TINAG: variants seen among roughly 807,000 people sequenced by gnomAD.
TINAG encodes tubulointerstitial nephritis antigen.
In TINAG, 83 loss-of-function variants were observed where a neutral mutation model predicts 72.7. The ratio of observed to expected loss-of-function variants is 1.14; its 90% CI spans 0.96 to 1.37. The LOEUF is 1.37. TINAG is among the 40% of genes most tolerant of loss of function. TINAG has a pLI of 0.00. For synonymous variants in TINAG, 234 were observed against 189.9 expected, an observed-to-expected ratio of 1.23 and a Z score of -1.91; for missense variants, 685 against 576.6, an observed-to-expected ratio of 1.19 and a Z score of -1.93.
intron 6 of TINAG, among the ~76,000 whole-genome samples, 173 bp from the exon 7 acceptor site, chr6:54,349,543 G>A (rs1785209918): frequency 6.6e-6 from 1 of 151,962 alleles, no homozygotes. Flanking sequence ...GGAGGGTAGG[G>A]AAGAGTGTAA....
chr6:54,360,841 G>GTTTTTTTTTTTTTTTTTTTT lies in TINAG; in HGVS notation c.1250+6217_1250+6236dup, dbSNP rs70983415. 1.4e-3 allele frequency among the ~76,000 whole-genome samples: 37 copies of GTTTTTTTTTTTTTTTTTTTT among 26,256 alleles called. 10 individuals carry two copies. Among genetic ancestry groups the GTTTTTTTTTTTTTTTTTTTT allele is most frequent in the South Asian group, 6.9e-3 (3 of 434 alleles). The allele number at this position is 26,256 out of a possible 152,430, so 17.2% of individuals were successfully genotyped here. On this transcript the variant is annotated intron_variant, in intron 9 of 10. Transcript: ENST00000259782. ...GTTTCTTGTGTTTCACAGATACTGT[G>GTTTTTTTTTTTTTTTTTTTT]TTTTTTTTTTTTTTTTTTTTTTTTT...
rs193202598 is a variant in TINAG, at chr6:54,325,505, C to T, written c.510-1297C>T. Among the ~76,000 whole-genome samples, 14 of 152,258 alleles carry T rather than the reference C, an allele frequency of 9.2e-5. No homozygotes were observed. The South Asian group carries it at 1.9e-3, about 20-fold the overall frequency. On this transcript the variant is annotated intron_variant, in intron 3 of 10. Transcript: ENST00000259782. ...TACTTTGTGATCTAGTACACACACA[C>T]GTGCACAAGCATCAACACACACATA...
At chr6:54,371,281 C>T (rs577762348) in intron 9 of TINAG, among the ~76,000 whole-genome samples, 1 of 152,100 alleles carries the variant, frequency 6.6e-6, no homozygotes, top group South Asian at 2.1e-4. Flanking sequence ...GCTGGGTGAT[C>T]TCAGGCAGGT....
chr6:54,308,458 T>C lies in TINAG; in HGVS notation c.-93T>C. On this transcript the variant is annotated 5_prime_UTR_variant, in exon 1 of 11. Transcript: ENST00000259782. ...GTTTCAGGGTTCAGGCTGAAGTGTC[T>C]TAATGACTAGAATTCAGGTTCCAAG... The C allele has an allele frequency of 1.9e-6, 2 of 1,057,004 alleles. No homozygotes were observed. The highest frequency in any genetic ancestry group is 2.7e-6 in the Non-Finnish European group (2 of 732,552). 65.5% of individuals were successfully genotyped at this position (1,057,004 alleles called of 1,614,324 possible).
Position 54,308,674 on chromosome 6 carries a change from T to C in TINAG, c.124T>C (p.Leu42=), listed in dbSNP as rs1305091497. The part of the protein sequence containing the change: ...EAYFTRNHTV[L]QGTRFKRAIF... ...TTATTTCACTAGGAATCACACCGTT[T>C]TGCAAGGTACTCGATTCAAAAGAGC... Residue 42 remains leucine, a synonymous_variant, in exon 1 of 11, where the codon TTG becomes CTG. Transcript: ENST00000259782. The C allele has an allele frequency of 6.2e-7, 1 of 1,613,752 alleles. No homozygotes were observed. Among genetic ancestry groups the C allele is most frequent in the African/African-American group, 1.3e-5 (1 of 74,908 alleles).
chr6:54,324,506 C>T (rs980541890), intron 3 of TINAG, among the ~76,000 whole-genome samples: 27 of 152,210 alleles, frequency 1.8e-4, no homozygotes, highest in African/African-American at 6.3e-4. Context: ...AAGCAAGTTA[C>T]TAGGCCAGCT....
rs189848584 is a variant in TINAG, at chr6:54,313,138, T to C, written c.355+4233T>C. ...TAGAAAATACATGTTTAATAGAAAA[T>C]ACACGTTTAAAATTAGCATCTTAAA... On this transcript the variant is annotated intron_variant, in intron 1 of 10. Transcript: ENST00000259782. Among the ~76,000 whole-genome samples, 30 of 152,270 alleles carry C rather than the reference T, an allele frequency of 2.0e-4. No homozygotes were observed. In the East Asian group the frequency reaches 4.6e-3, roughly 23 times the overall value.
chr6:54,376,851 T>C (rs527418273), intron 9 of TINAG, among the ~76,000 whole-genome samples: 1 of 152,088 alleles, frequency 6.6e-6, no homozygotes, highest in Middle Eastern at 3.4e-3. Context: ...ATAAAATAAA[T>C]CCTGAAGGAA....
chr6:54,312,662 A>G (rs1784284972), intron 1 of TINAG, among the ~76,000 whole-genome samples: 1 of 152,220 alleles, frequency 6.6e-6, no homozygotes. Flanking sequence ...CAATCTACAT[A>G]GAAAAAAATA....
rs2291824 is a variant in TINAG, at chr6:54,354,757, T to C, written c.1250+121T>C. The C allele has an allele frequency of 6.6e-3, 7,508 of 1,141,882 alleles. 166 individuals are homozygous for C. The highest frequency in any genetic ancestry group is 0.044 in the East Asian group (1,567 of 35,900). The allele number at this position is 1,141,882 out of a possible 1,614,324, so 70.7% of individuals were successfully genotyped here. ...GAGAGATTGTGATACAAATGAAAAA[T>C]GATCTAAACCTTGCCACTATTTAGT... is the stretch of plus-strand genomic sequence containing the variant. On this transcript the variant is annotated intron_variant, in intron 9 of 10. Coordinates refer to ENST00000259782, the MANE Select transcript of TINAG (RefSeq NM_014464.4).
intron 1 of TINAG, among the ~76,000 whole-genome samples, chr6:54,309,815 T>C (rs926702444): frequency 4.1e-5 from 6 of 145,790 alleles, no homozygotes; most frequent in Non-Finnish European, 7.4e-5. Context: ...AATCCAGATG[T>C]CATTTAAAGA....
rs1313626709 is a variant in TINAG at position 54,339,005 on chromosome 6, T to A, written c.625-4221T>A. ...CCTCAGAACTAGTGTTCTAAGGAAC[T>A]CATTTAAGGAAATATCACAGTTCAT... On this transcript the variant is annotated intron_variant, in intron 4 of 10. Coordinates refer to ENST00000259782, the MANE Select transcript of TINAG (RefSeq NM_014464.4). Among the ~76,000 whole-genome samples, 4 of 152,184 alleles carry A rather than the reference T, an allele frequency of 2.6e-5. No homozygotes were observed. The East Asian group carries it at 7.7e-4, about 29-fold the overall frequency.
At chr6:54,376,497 G>T (rs1251319147) in intron 9 of TINAG, among the ~76,000 whole-genome samples, 10 of 151,938 alleles carry the variant, frequency 6.6e-5, no homozygotes, top group Admixed American at 6.6e-4. Flanking sequence ...TGACTTCACT[G>T]GGTGTATGGG....
chr6:54,335,489 T>A (rs1471677281), intron 4 of TINAG, among the ~76,000 whole-genome samples: 2 of 152,182 alleles, frequency 1.3e-5, no homozygotes, highest in Non-Finnish European at 2.9e-5. Flanking sequence ...GCATCTTATT[T>A]CTAGGGCATG....
At chr6:54,347,728 T>C (rs1191025694) in intron 6 of TINAG, among the ~76,000 whole-genome samples, 6 of 152,200 alleles carry the variant, frequency 3.9e-5, no homozygotes, top group Admixed American at 3.9e-4. Flanking sequence ...GAAGAACGTA[T>C]ACATTTCTAG....
At chr6:54,343,816 A>C (rs2150955152) in intron 5 of TINAG, among the ~76,000 whole-genome samples, 1 of 152,274 alleles carries the variant, frequency 6.6e-6, no homozygotes, top group South Asian at 2.1e-4. Flanking sequence ...GATCAAATGG[A>C]TTTTATTTCA....
chr6:54,384,680 G>A (rs1168385988), intron 10 of TINAG, among the ~76,000 whole-genome samples: 1 of 151,820 alleles, frequency 6.6e-6, no homozygotes, highest in African/African-American at 2.4e-5. Flanking sequence ...AGCACGTTTG[G>A]ACAAAAGCTG....
intron 8 of TINAG, among the ~76,000 whole-genome samples, chr6:54,353,007 C>A (rs1380816121): frequency 6.6e-6 from 1 of 151,812 alleles, no homozygotes; most frequent in African/African-American, 2.4e-5. Flanking sequence ...AACCAAACAT[C>A]TCATCCGTGT....
intron 4 of TINAG, among the ~76,000 whole-genome samples, chr6:54,342,945 TGATA>T (rs1313809535): frequency 5.3e-5 from 8 of 152,114 alleles, no homozygotes; most frequent in Admixed American, 5.2e-4. Context: ...TGATTCAAGG[TGATA>T]GAAACATTGG....
Sources: gnomAD v4.1 joint callset for allele counts (sites outside exome capture counted in the v4.1 genomes callset) on GRCh38, gnomAD v4.1.1 for gene constraint, MANE v1.5 for transcripts, NCBI Gene and HGNC (gene_info 2026-07-23, HGNC 2026-07-21) for gene names.